Variants in ITGB3 observed in about 807,000 individuals in gnomAD.
ITGB3 encodes integrin beta-3.
A neutral mutation model predicts 85.8 loss-of-function variants in ITGB3; 48 were observed. The observed-to-expected ratio is 0.56, with a 90% CI of 0.44 to 0.71. The LOEUF is 0.71. Among genes scored for constraint, ITGB3 ranks in the 30% least tolerant of loss-of-function variants. The probability of loss-of-function intolerance (pLI) is 0.00; values close to 1 mark genes in which losing one functional copy is unlikely to be tolerated. For missense variants in ITGB3, 861 were observed against 1,019.1 expected (o/e 0.84, Z 2.11); for synonymous variants, 363 against 395.6 (o/e 0.92, Z 0.98).
At chr17:47,308,721 C>T (rs970712587) in intron 14 of ITGB3, among the ~76,000 whole-genome samples, 1 of 152,058 alleles carries the variant, frequency 6.6e-6, no homozygotes, top group African/African-American at 2.4e-5. Flanking sequence ...AGGCTGGTCT[C>T]GAACTCCTGA....
At chr17:47,283,012 CCTT>C (rs1344107198) in intron 2 of ITGB3, among the ~76,000 whole-genome samples, 2 of 152,148 alleles carry the variant, frequency 1.3e-5, no homozygotes, top group South Asian at 2.1e-4. Flanking sequence ...TACAGGCTCT[CCTT>C]CTAGCTACAA....
At chr17:47,257,331 C>T (rs927346784) in intron 1 of ITGB3, among the ~76,000 whole-genome samples, 5 of 152,100 alleles carry the variant, frequency 3.3e-5, no homozygotes, top group Non-Finnish European at 5.9e-5. Context: ...TACTCTAACC[C>T]GGCAAGAATC....
chr17:47,302,849 AC>A lies in ITGB3; in HGVS notation c.2134+12del. On this transcript the variant is annotated intron_variant, in intron 13 of 14. Transcript: ENST00000559488. ...TGTGGTAGAAGAGCCAGGTGAGTGA[AC>A]CCTGACGGCTCCCGGCCCTGCCCCA... 1 of 1,614,084 alleles carries A rather than the reference AC, an allele frequency of 6.2e-7. No homozygotes were observed. The highest frequency in any genetic ancestry group is 1.3e-5 in the African/African-American group (1 of 75,032).
chr17:47,313,649 G>T lies in ITGB3; in HGVS notation c.*3445G>T, dbSNP rs9893410. ...CAGGCGTGAGCCACTGCCCCCGGCT[G>T]TGGTTGAAATTTCTTAAGTGCCTTC... On this transcript the variant is annotated 3_prime_UTR_variant, in exon 15 of 15. Transcript: ENST00000559488. Among the ~76,000 whole-genome samples, 105,654 of 151,968 alleles carry T rather than the reference G, an allele frequency of 0.7. 36,907 individuals are homozygous for T. The highest frequency in any genetic ancestry group is 0.81 in the East Asian group (4,157 of 5,140).
At chr17:47,254,083 G>C in intron 1 of ITGB3, 143 bp downstream of exon 1, 1 of 477,654 alleles carries the variant, frequency 2.1e-6, no homozygotes, top group East Asian at 3.9e-5. Flanking sequence ...TGGCGCGGTC[G>C]GAGCCGGGAG....
chr17:47,289,609 A>G (rs1275961061), intron 6 of ITGB3, 72 bp from the exon 7 acceptor site: 3 of 1,096,892 alleles, frequency 2.7e-6, no homozygotes, highest in Non-Finnish European at 4.2e-6. Context: ...CCCAAGCAAG[A>G]TAAGTTCTAA....
intron 1 of ITGB3, among the ~76,000 whole-genome samples, chr17:47,255,579 G>C (rs1012390247): frequency 2.0e-5 from 3 of 151,888 alleles, no homozygotes; most frequent in Non-Finnish European, 4.4e-5. Context: ...GCACCACCAC[G>C]CCCTACTAAT....
chr17:47,300,552 A>T lies in ITGB3; in HGVS notation c.1988A>T (p.Asp663Val). ...DENTCNRYCRDEIESVKELKD... is the reference protein window; with the variant it reads ...DENTCNRYCRVEIESVKELKD... ...AATACCTGCAACCGTTACTGCCGTG[A>T]CGAGATTGAGTCAGTGAAAGAGCTT... Residue 663 changes from aspartate (D) to valine (V), a missense_variant, in exon 12 of 15, where the codon GAC (aspartate) becomes GTC (valine). Coordinates refer to ENST00000559488, the MANE Select transcript of ITGB3 (RefSeq NM_000212.3). 6.2e-7 allele frequency: 1 copy of T among 1,614,080 alleles called. No homozygotes were observed.
chr17:47,305,833 G>C (rs987243218), intron 13 of ITGB3: 3 of 152,238 alleles, frequency 2.0e-5, no homozygotes, highest in Non-Finnish European at 2.9e-5. Context: ...AAACAGCTGG[G>C]TGTAAGAAGA....
chr17:47,294,221 C>T (rs1054024432), intron 10 of ITGB3, among the ~76,000 whole-genome samples: 1 of 152,142 alleles, frequency 6.6e-6, no homozygotes, highest in Non-Finnish European at 1.5e-5. Flanking sequence ...CTTCATTTTA[C>T]TATTTAAAGT....
In ITGB3 at chr17:47,284,663, C is replaced by T; in HGVS notation, c.582C>T (p.Ser194=). ...DKPVSPYMYI[S]PPEALENPCY... is the part of the protein sequence containing the mutation. ...CTGTGTCACCATACATGTATATCTC[C>T]CCACCAGAGGCCCTCGAAAACCCCT... Residue 194 remains serine, a synonymous_variant, in exon 4 of 15, where the codon TCC becomes TCT. Transcript: ENST00000559488. The T allele has an allele frequency of 1.2e-6, 2 of 1,614,164 alleles. No homozygotes were observed. The highest frequency in any genetic ancestry group is 1.7e-6 in the Non-Finnish European group (2 of 1,180,036).
intron 1 of ITGB3, among the ~76,000 whole-genome samples, chr17:47,260,654 G>C (rs987051049): frequency 6.6e-6 from 1 of 152,156 alleles, no homozygotes; most frequent in Admixed American, 6.5e-5. Flanking sequence ...TGCTGGAGCC[G>C]CCTGCAAGGA....
At chr17:47,259,735 A>G (rs1012707004) in intron 1 of ITGB3, among the ~76,000 whole-genome samples, 29 of 152,278 alleles carry the variant, frequency 1.9e-4, no homozygotes, top group Admixed American at 9.8e-4. Flanking sequence ...CCCTGTCTCT[A>G]CTAAAAATAC....
intron 1 of ITGB3, among the ~76,000 whole-genome samples, chr17:47,273,262 C>T (rs2065051817): frequency 6.6e-6 from 1 of 152,170 alleles, no homozygotes; most frequent in South Asian, 2.1e-4. Flanking sequence ...AAAATAGGTT[C>T]GCTGGTCTTA....
At chr17:47,254,650 T>C (rs1385723215) in intron 1 of ITGB3, among the ~76,000 whole-genome samples, 2 of 152,162 alleles carry the variant, frequency 1.3e-5, no homozygotes, top group Non-Finnish European at 2.9e-5. Context: ...AAAGGCTCCC[T>C]TGGGCCGGTG....
chr17:47,289,878 G>T (rs17218711), intron 7 of ITGB3, 102 bp downstream of exon 7: 1 of 868,334 alleles, frequency 1.2e-6, no homozygotes, highest in South Asian at 1.3e-5. Flanking sequence ...TCAGGAAAGA[G>T]TCTCCCCTAA....
chr17:47,292,618 T>C (rs760929263), intron 10 of ITGB3, 50 bp downstream of exon 10: 1 of 1,579,680 alleles, frequency 6.3e-7, no homozygotes, highest in East Asian at 2.2e-5. Context: ...CCCCCTCATA[T>C]ACCTGCAACC....
intron 2 of ITGB3, among the ~76,000 whole-genome samples, chr17:47,281,366 T>C (rs2093381614): frequency 6.6e-6 from 1 of 152,160 alleles, no homozygotes; most frequent in Non-Finnish European, 1.5e-5. Flanking sequence ...GGAGCCCTCA[T>C]AGACATGCAC....
In ITGB3 at chr17:47,300,401, T is replaced by C. The variant is rs1053897064; in HGVS notation, c.1914-77T>C. The C allele has an allele frequency of 6.8e-5, 67 of 986,298 alleles. 1 individual carries two copies. Among genetic ancestry groups the C allele is most frequent in the East Asian group, 2.4e-5 (1 of 41,482 alleles). 61.1% of individuals were successfully genotyped at this position (986,298 alleles called of 1,614,324 possible). A position where few individuals can be genotyped will look rare whatever the true frequency, so the allele number is the denominator to read the frequency against. ...GAGGTGGAGCAGCTTTCTGAATGCA[T>C]GGAGATCAGAGCTGGACTGGGATAC... On this transcript the variant is annotated intron_variant, in intron 11 of 14. Coordinates refer to ENST00000559488, the MANE Select transcript of ITGB3 (RefSeq NM_000212.3).
Sources: gnomAD v4.1 joint callset for allele counts (sites outside exome capture counted in the v4.1 genomes callset) on GRCh38, gnomAD v4.1.1 for gene constraint, MANE v1.5 for transcripts, NCBI Gene and HGNC (gene_info 2026-07-23, HGNC 2026-07-21) for gene names.